The following ADCY2 variants were observed in gnomAD, a reference collection of about 807,000 sequenced individuals.
The protein encoded by ADCY2 is adenylate cyclase type 2.
In ADCY2, 31 loss-of-function variants were observed where a neutral mutation model predicts 125.2. The ratio of observed to expected loss-of-function variants is 0.25; its 90% CI spans 0.19 to 0.33. The LOEUF (loss-of-function observed/expected upper bound fraction) is 0.33. ADCY2 is among the 10% of genes least tolerant of loss of function. The pLI, the probability that ADCY2 is intolerant of heterozygous loss-of-function variation, is 1.00. For missense variants in ADCY2, 904 were observed against 1,418.2 expected (o/e 0.64, Z 5.82); for synonymous variants, 512 against 548.4 (o/e 0.93, Z 0.93).
At chr5:7,442,271 C>T (rs933533960) in intron 2 of ADCY2, among the ~76,000 whole-genome samples, 1 of 152,134 alleles carries the variant, frequency 6.6e-6, no homozygotes, top group African/African-American at 2.4e-5. Flanking sequence ...CAACTTGAAT[C>T]CTCTAAATTG....
At chr5:7,499,683 GTATATATATGTGTATATATA>G (rs1743492167) in intron 2 of ADCY2, among the ~76,000 whole-genome samples, 1 of 91,860 alleles carries the variant, frequency 1.1e-5, no homozygotes, top group African/African-American at 4.0e-5. Context: ...ATATATATAT[GTATATATATGTGTATATATA>G]TGTATATATA....
At chr5:7,606,021 AG>A (rs1309966780) in intron 3 of ADCY2, among the ~76,000 whole-genome samples, 2 of 144,030 alleles carry the variant, frequency 1.4e-5, no homozygotes, top group Non-Finnish European at 3.0e-5. Context: ...TTTAGCATGA[AG>A]GGTTGTTGAA....
At chr5:7,617,918 T>G (rs1292645667) in intron 3 of ADCY2, among the ~76,000 whole-genome samples, 3 of 152,184 alleles carry the variant, frequency 2.0e-5, no homozygotes, top group Admixed American at 1.3e-4. Context: ...AATAGAAAAG[T>G]TTTTGTTCTC....
At chr5:7,653,574 T>G (rs920405152) in intron 4 of ADCY2, among the ~76,000 whole-genome samples, 2 of 151,408 alleles carry the variant, frequency 1.3e-5, no homozygotes, top group Non-Finnish European at 2.9e-5. Flanking sequence ...GCCACTGCAC[T>G]CCAGCCTGGG....
intron 11 of ADCY2, among the ~76,000 whole-genome samples, chr5:7,715,284 C>A (rs897703173): frequency 6.6e-6 from 1 of 152,232 alleles, no homozygotes; most frequent in Non-Finnish European, 1.5e-5. Flanking sequence ...CAGGCATCAT[C>A]TAATCAAATC....
At chr5:7,795,417 G>A (rs1561005830) in intron 20 of ADCY2, 1 of 152,200 alleles carries the variant, frequency 6.6e-6, no homozygotes, top group South Asian at 2.1e-4. Context: ...TAATCACTTC[G>A]CTCCTGTTCC....
chr5:7,462,450 T>C (rs1245813384), intron 2 of ADCY2, among the ~76,000 whole-genome samples: 2 of 152,228 alleles, frequency 1.3e-5, no homozygotes, highest in Non-Finnish European at 2.9e-5. Flanking sequence ...TTCTTGACAT[T>C]GACTAAACTT....
intron 5 of ADCY2, 126 bp downstream of exon 5, chr5:7,690,965 A>G (rs1740684373): frequency 8.7e-7 from 1 of 1,146,196 alleles, no homozygotes; most frequent in Non-Finnish European, 1.2e-6. Flanking sequence ...CAGGGGAAAT[A>G]ATCACACAGA....
chr5:7,804,531 C>A, intron 21 of ADCY2, 54 bp from the exon 22 acceptor site: 1 of 1,380,386 alleles, frequency 7.2e-7, no homozygotes, highest in South Asian at 1.2e-5. Context: ...ATAAAATGCT[C>A]AGCTTCAGGT....
chr5:7,515,320 G>A (rs571544330), intron 2 of ADCY2, among the ~76,000 whole-genome samples: 1 of 152,310 alleles, frequency 6.6e-6, no homozygotes, highest in Non-Finnish European at 1.5e-5. Flanking sequence ...GTGAGTTTTT[G>A]TTGTATCAAA....
intron 3 of ADCY2, among the ~76,000 whole-genome samples, chr5:7,598,339 C>A (rs2126632607): frequency 6.6e-6 from 1 of 152,276 alleles, no homozygotes; most frequent in Middle Eastern, 3.4e-3. Context: ...ATATGGACTT[C>A]TAGAGAAAGC....
intron 3 of ADCY2, among the ~76,000 whole-genome samples, chr5:7,596,957 A>G (rs1737026047): frequency 6.6e-6 from 1 of 152,244 alleles, no homozygotes; most frequent in Non-Finnish European, 1.5e-5. Flanking sequence ...ACATATTTCT[A>G]CAAGTAAGAA....
At chr5:7,438,801 G>T (rs1486270118) in intron 2 of ADCY2, among the ~76,000 whole-genome samples, 2 of 152,304 alleles carry the variant, frequency 1.3e-5, no homozygotes, top group Non-Finnish European at 2.9e-5. Context: ...AACAGTCGGA[G>T]GTTCTGTTAG....
intron 17 of ADCY2, among the ~76,000 whole-genome samples, chr5:7,771,903 G>T (rs943190963): frequency 6.6e-6 from 1 of 152,148 alleles, no homozygotes; most frequent in African/African-American, 2.4e-5. Flanking sequence ...ATTTTTTTGA[G>T]TGTTGTCTCT....
At chr5:7,826,201 C>T (rs1451287050) in intron 24 of ADCY2, among the ~76,000 whole-genome samples, 2 of 152,156 alleles carry the variant, frequency 1.3e-5, no homozygotes, top group African/African-American at 4.8e-5. Context: ...CTACAGTGCT[C>T]AGTGCTCCTT....
At chr5:7,476,053 G>A (rs1442790980) in intron 2 of ADCY2, among the ~76,000 whole-genome samples, 5 of 152,148 alleles carry the variant, frequency 3.3e-5, no homozygotes, top group African/African-American at 1.2e-4. Flanking sequence ...GTGACAGCAT[G>A]AAAAGAAATA....
At chr5:7,476,347 G>T (rs1742524509) in intron 2 of ADCY2, among the ~76,000 whole-genome samples, 1 of 152,128 alleles carries the variant, frequency 6.6e-6, no homozygotes, top group Admixed American at 6.5e-5. Context: ...CCCCACGCCT[G>T]GACATTGTTG....
chr5:7,410,940 C>T (rs1027403835), intron 1 of ADCY2, among the ~76,000 whole-genome samples: 1 of 151,980 alleles, frequency 6.6e-6, no homozygotes, highest in East Asian at 1.9e-4. Context: ...GGGAGCTGGA[C>T]AGGAGAGAGG....
intron 2 of ADCY2, among the ~76,000 whole-genome samples, chr5:7,479,832 G>C: frequency 6.6e-6 from 1 of 151,904 alleles, no homozygotes; most frequent in East Asian, 1.9e-4. Flanking sequence ...GCCACAAATG[G>C]GTGAGAATGT....
Sources: allele counts gnomAD v4.1 joint callset (sites outside exome capture counted in the v4.1 genomes callset), GRCh38; gene constraint gnomAD v4.1.1; transcripts MANE v1.5; gene names NCBI Gene and HGNC (gene_info 2026-07-23, HGNC 2026-07-21).